KAZN: variants seen among roughly 807,000 people sequenced by gnomAD.
KAZN encodes the protein kazrin.
KAZN carries 40 observed loss-of-function variants against 87.4 expected under a neutral mutation model. The observed-to-expected ratio is 0.46, with a 90% CI of 0.36 to 0.60. The LOEUF (loss-of-function observed/expected upper bound fraction) is 0.60. Ranked by LOEUF, KAZN falls within the 20% of genes least tolerant of loss-of-function variation. The pLI is 0.00. For synonymous variants in KAZN, 466 were observed against 458.3 expected, an observed-to-expected ratio of 1.02 and a Z score of -0.22; for missense variants, 898 against 1,073.9, an observed-to-expected ratio of 0.84 and a Z score of 2.29.
intron 1 of KAZN, among the ~76,000 whole-genome samples, chr1:13,966,940 G>C (rs2101039336): frequency 6.6e-6 from 1 of 152,224 alleles, no homozygotes; most frequent in East Asian, 1.9e-4. Context: ...CTATTGGACA[G>C]CACTGGTCTA....
intron 1 of KAZN, among the ~76,000 whole-genome samples, chr1:14,892,563 T>C (rs1389330650): frequency 1.3e-5 from 2 of 152,062 alleles, no homozygotes; most frequent in Non-Finnish European, 2.9e-5. Flanking sequence ...TTCTACAAGG[T>C]CTGCAAAGGA....
intron 1 of KAZN, among the ~76,000 whole-genome samples, chr1:14,802,277 G>T (rs1646058457): frequency 6.6e-6 from 1 of 152,114 alleles, no homozygotes; most frequent in East Asian, 1.9e-4. Context: ...GGTGGTTTGT[G>T]CCTGTAGTCC....
At chr1:14,569,052 T>C (rs1674703320) in intron 2 of KAZN, among the ~76,000 whole-genome samples, 2 of 152,300 alleles carry the variant, frequency 1.3e-5, no homozygotes, top group South Asian at 4.1e-4. Flanking sequence ...CCACAAAAAA[T>C]TCACAAGTAT....
At chr1:14,967,457 A>G (rs548728289) in intron 2 of KAZN, among the ~76,000 whole-genome samples, 1 of 152,278 alleles carries the variant, frequency 6.6e-6, no homozygotes, top group African/African-American at 2.4e-5. Flanking sequence ...TGGCAGAATA[A>G]TGATGTCCCC....
intron 2 of KAZN, among the ~76,000 whole-genome samples, chr1:14,481,267 C>T (rs997744476): frequency 6.6e-6 from 1 of 152,064 alleles, no homozygotes; most frequent in Non-Finnish European, 1.5e-5. Context: ...TACCTACTGC[C>T]TGGGATATTG....
chr1:14,149,622 A>C (rs1031412196), intron 1 of KAZN, among the ~76,000 whole-genome samples: 1 of 152,074 alleles, frequency 6.6e-6, no homozygotes, highest in Admixed American at 6.5e-5. Flanking sequence ...CATCTGATTT[A>C]TATCTCATGG....
At chr1:14,933,989 A>G (rs1462068878) in intron 1 of KAZN, among the ~76,000 whole-genome samples, 1 of 150,680 alleles carries the variant, frequency 6.6e-6, no homozygotes, top group Non-Finnish European at 1.5e-5. Context: ...CTGGTTAGCT[A>G]GGACTACAGG....
intron 2 of KAZN, among the ~76,000 whole-genome samples, chr1:14,196,205 C>A (rs1417814337): frequency 6.6e-6 from 1 of 152,128 alleles, no homozygotes; most frequent in Non-Finnish European, 1.5e-5. Context: ...GAGTAGAAGA[C>A]AGGGCAAGGT....
rs1658804254 is a variant in KAZN, at chr1:14,923,675, C to T, written c.227-37009C>T. Among the ~76,000 whole-genome samples the T allele has an allele frequency of 6.6e-6, 1 of 152,200 alleles. No individual in the cohort carries two copies. Among genetic ancestry groups the T allele is most frequent in the Admixed American group, 6.5e-5 (1 of 15,284 alleles). ...AGACGGTGGGTGCACTCAGCATTCC[C>T]CTCACTTAGAGGATGGCCGGTCACA... On this transcript the variant is annotated intron_variant, in intron 1 of 14. Coordinates refer to ENST00000376030, the MANE Select transcript of KAZN (RefSeq NM_201628.3). This position sits in a 1 kb window ranked among gnomAD's most constrained non-coding sequence, Gnocchi z 4.2.
At chr1:14,081,753 T>G (rs1643681459) in intron 1 of KAZN, among the ~76,000 whole-genome samples, 1 of 151,758 alleles carries the variant, frequency 6.6e-6, no homozygotes, top group South Asian at 2.1e-4. Flanking sequence ...TTGCTTTGTT[T>G]TGTTTTGTTT....
chr1:14,871,152 C>T (rs577012702), intron 1 of KAZN, among the ~76,000 whole-genome samples: 3 of 152,350 alleles, frequency 2.0e-5, no homozygotes, highest in East Asian at 1.9e-4. Context: ...CACCACCACA[C>T]GGCACCTATG....
chr1:13,922,560 T>C (rs1171512770), intron 1 of KAZN, among the ~76,000 whole-genome samples: 1 of 152,214 alleles, frequency 6.6e-6, no homozygotes, highest in African/African-American at 2.4e-5. Flanking sequence ...CTGCTTGTGC[T>C]TGCTGTGCTT....
At chr1:14,422,968 A>T (rs567016020) in intron 2 of KAZN, among the ~76,000 whole-genome samples, 4 of 152,270 alleles carry the variant, frequency 2.6e-5, no homozygotes, top group Admixed American at 2.0e-4. Flanking sequence ...GACTTGTAGC[A>T]GCCCTTTGTC....
chr1:13,909,019 G>A (rs1346776022), intron 1 of KAZN, among the ~76,000 whole-genome samples: 2 of 152,176 alleles, frequency 1.3e-5, no homozygotes, highest in East Asian at 1.9e-4. Flanking sequence ...CTTGGTACAC[G>A]CAGGTGGGTG....
intron 1 of KAZN, among the ~76,000 whole-genome samples, chr1:14,832,986 T>C (rs1647094537): frequency 6.6e-6 from 1 of 152,222 alleles, no homozygotes; most frequent in South Asian, 2.1e-4. Context: ...CTTGCACAGC[T>C]GAAAAGATAT....
At chr1:15,022,112 G>C (rs1383443649) in intron 2 of KAZN, among the ~76,000 whole-genome samples, 4 of 152,114 alleles carry the variant, frequency 2.6e-5, no homozygotes. Flanking sequence ...GATGAGATTT[G>C]GGTGGGGACA....
chr1:13,967,036 C>T (rs1228414812), intron 1 of KAZN, among the ~76,000 whole-genome samples: 2 of 152,140 alleles, frequency 1.3e-5, no homozygotes, highest in African/African-American at 4.8e-5. Flanking sequence ...CTTTAAACTT[C>T]TTAAAGGCAG....
At position 13,963,881 on chromosome 1, in the gene KAZN, T is replaced by C. The variant is rs541011484; in HGVS notation, c.91+70125T>C. ...GTTAGATATCATACCTGTGTTTTAA[T>C]CCTACTTCTGCCAATTGCCAGCTGT... On this transcript the variant is annotated intron_variant, in intron 1 of 16. Coordinates refer to the KAZN transcript ENST00000636203. Among the ~76,000 whole-genome samples, 29 of 151,922 alleles carry C rather than the reference T, an allele frequency of 1.9e-4. No individual in the cohort carries two copies. In the South Asian group the frequency reaches 4.0e-3, roughly 21 times the overall value.
At chr1:14,557,393 C>A (rs1034859817) in intron 2 of KAZN, among the ~76,000 whole-genome samples, 9 of 151,974 alleles carry the variant, frequency 5.9e-5, no homozygotes, top group African/African-American at 1.9e-4. Flanking sequence ...GACTAAAAAT[C>A]AAAATCTCCA....
Sources: allele counts gnomAD v4.1 joint callset (sites outside exome capture counted in the v4.1 genomes callset), GRCh38; gene constraint gnomAD v4.1.1; non-coding constraint Gnocchi (gnomAD v3.1); transcripts MANE v1.5; gene names NCBI Gene and HGNC (gene_info 2026-07-23, HGNC 2026-07-21).